The following SEL1L2 variants were observed in gnomAD, a reference collection of about 807,000 sequenced individuals.
The protein encoded by SEL1L2 is protein sel-1 homolog 2.
SEL1L2 carries 89 observed loss-of-function variants against 98.8 expected under a neutral mutation model. The ratio of observed to expected loss-of-function variants is 0.90; its 90% CI spans 0.76 to 1.07. The LOEUF is 1.07. Among genes scored for constraint, SEL1L2 ranks in the 50% least tolerant of loss-of-function variants. The pLI is 0.00. For synonymous variants in SEL1L2, 262 were observed against 278.5 expected (o/e 0.94, Z 0.59); for missense variants, 788 against 812.0 (o/e 0.97, Z 0.36).
chr20:13,931,742 T>A lies in SEL1L2; in HGVS notation c.144A>T (p.Leu48Phe). 6.4e-7 allele frequency: 1 copy of A among 1,551,050 alleles called. No individual in the cohort carries two copies. The highest frequency in any genetic ancestry group is 8.7e-7 in the Non-Finnish European group (1 of 1,153,816). ...ATGTTCTTTGTTCCAATATGTGTGA[T>A]AAATATTGTTTGATTTCGTTCACTG... ...QVSVNEIKQY[L>F]SHILEQRTSS... The change falls in exon 3 of 20, where the codon TTA (leucine) becomes TTT (phenylalanine). Residue 48 changes from leucine to phenylalanine, a missense_variant. Transcript: ENST00000284951.
chr20:13,994,499 C>T (rs1268257337), upstream of SEL1L2, among the ~76,000 whole-genome samples: 1 of 151,940 alleles, frequency 6.6e-6, no homozygotes, highest in Non-Finnish European at 1.5e-5. Flanking sequence ...ATAACAAGTA[C>T]CCAAACTGCC....
At chr20:13,956,992 T>C (rs375529313) in intron 1 of SEL1L2, among the ~76,000 whole-genome samples, 3 of 152,156 alleles carry the variant, frequency 2.0e-5, no homozygotes, top group African/African-American at 7.2e-5. Flanking sequence ...CACAAACCAA[T>C]ATGAAATAGT....
At chr20:13,908,356 T>C (rs545347581) in intron 5 of SEL1L2, among the ~76,000 whole-genome samples, 5 of 152,184 alleles carry the variant, frequency 3.3e-5, no homozygotes, top group African/African-American at 1.2e-4. Context: ...AATCCTGGGC[T>C]CAAGCAATCC....
At chr20:13,950,923 A>G (rs1410501884) in intron 2 of SEL1L2, among the ~76,000 whole-genome samples, 1 of 152,154 alleles carries the variant, frequency 6.6e-6, no homozygotes, top group Non-Finnish European at 1.5e-5. Flanking sequence ...TTCAGTTAAG[A>G]TGAAGGGAAA....
chr20:13,928,961 T>C (rs2049010121), intron 3 of SEL1L2, among the ~76,000 whole-genome samples: 1 of 152,202 alleles, frequency 6.6e-6, no homozygotes, highest in Non-Finnish European at 1.5e-5. Context: ...AACAGGAATC[T>C]AGTTGTTGCC....
upstream of SEL1L2, chr20:13,990,625 C>T (rs187509362): frequency 8.2e-6 from 8 of 970,732 alleles, no homozygotes; most frequent in African/African-American, 1.0e-4. Context: ...GTGGTGGGGG[C>T]AGGAGTCAGT....
At chr20:13,970,275 C>T (rs2051223312) in intron 1 of SEL1L2, among the ~76,000 whole-genome samples, 3 of 152,152 alleles carry the variant, frequency 2.0e-5, no homozygotes, top group Non-Finnish European at 4.4e-5. Flanking sequence ...GTCTCTGCAA[C>T]AGTGGTTGAC....
intron 1 of SEL1L2, among the ~76,000 whole-genome samples, chr20:13,978,983 C>G (rs2051681112): frequency 6.6e-6 from 1 of 152,132 alleles, no homozygotes; most frequent in South Asian, 2.1e-4. Flanking sequence ...TCGCTTGAAA[C>G]CAGAAGGTGG....
intron 12 of SEL1L2, among the ~76,000 whole-genome samples, chr20:13,873,260 G>A (rs550365178): frequency 1.6e-4 from 25 of 152,206 alleles, no homozygotes; most frequent in Admixed American, 1.2e-3. Flanking sequence ...AAAGTGCTGG[G>A]ATTTACAGGT....
intron 18 of SEL1L2, among the ~76,000 whole-genome samples, chr20:13,853,884 G>C (rs1422145875): frequency 2.6e-5 from 4 of 152,128 alleles, no homozygotes; most frequent in African/African-American, 9.7e-5. Context: ...GTAGAAATTT[G>C]TTCTGTAACT....
At chr20:13,886,495 T>C in intron 8 of SEL1L2, 53 bp from the exon 9 acceptor site, 1 of 1,480,380 alleles carries the variant, frequency 6.8e-7, no homozygotes, top group Non-Finnish European at 9.3e-7. Flanking sequence ...CTGCAAGAGA[T>C]AACAGTCAAT....
chr20:13,992,565 C>T (rs1437096529), upstream of SEL1L2, among the ~76,000 whole-genome samples: 1 of 152,066 alleles, frequency 6.6e-6, no homozygotes, highest in Non-Finnish European at 1.5e-5. Context: ...GGGCTGGAAT[C>T]AGAGACTGGG....
chr20:13,857,685 C>T (rs1347543063), intron 18 of SEL1L2, among the ~76,000 whole-genome samples: 1 of 152,182 alleles, frequency 6.6e-6, no homozygotes, highest in Non-Finnish European at 1.5e-5. Context: ...CACTTTATCC[C>T]TTCTATAGAC....
intron 1 of SEL1L2, among the ~76,000 whole-genome samples, chr20:13,966,984 C>T (rs978314037): frequency 1.5e-4 from 22 of 147,008 alleles, no homozygotes; most frequent in Non-Finnish European, 7.4e-5. Context: ...TGGGTTCAAG[C>T]GATTCTTCTA....
intron 10 of SEL1L2, 81 bp downstream of exon 10, chr20:13,885,265 TC>T: frequency 2.3e-6 from 2 of 862,796 alleles, no homozygotes; most frequent in Non-Finnish European, 2.0e-6. Flanking sequence ...CACCTCTCCC[TC>T]CCCCTGCTTT....
At chr20:13,946,161 TAA>T (rs964766190) in intron 2 of SEL1L2, among the ~76,000 whole-genome samples, 1 of 151,160 alleles carries the variant, frequency 6.6e-6, no homozygotes, top group African/African-American at 2.4e-5. Flanking sequence ...GGAAAAGTTA[TAA>T]AAAAAAAGTT....
intron 5 of SEL1L2, 35 bp from the exon 6 acceptor site, chr20:13,888,547 T>A: frequency 8.6e-7 from 1 of 1,163,498 alleles, no homozygotes. Context: ...ATTTAATAAA[T>A]CAATTTATTT....
chr20:13,954,650 C>T (rs1478814925), intron 2 of SEL1L2, among the ~76,000 whole-genome samples: 1 of 152,128 alleles, frequency 6.6e-6, no homozygotes, highest in Non-Finnish European at 1.5e-5. Flanking sequence ...CTATTCCCAT[C>T]TTTACTCTGG....
At chr20:13,869,353 C>T in intron 14 of SEL1L2, 150 bp downstream of exon 14, 1 of 646,748 alleles carries the variant, frequency 1.5e-6, no homozygotes, top group Non-Finnish European at 2.7e-6. Context: ...GTGTCCTTTT[C>T]TTTAGGCTTT....
Sources: allele counts gnomAD v4.1 joint callset (sites outside exome capture counted in the v4.1 genomes callset), GRCh38; gene constraint gnomAD v4.1.1; transcripts MANE v1.5; gene names NCBI Gene and HGNC (gene_info 2026-07-23, HGNC 2026-07-21).